The following CSMD1 variants were observed in gnomAD, a reference collection of about 807,000 sequenced individuals.
CSMD1 encodes CUB and Sushi multiple domains 1.
A neutral mutation model predicts 417.5 loss-of-function variants in CSMD1; 213 were observed. That is an observed-to-expected ratio of 0.51 (90% CI 0.46 to 0.57). The LOEUF is 0.57. CSMD1 is among the 20% of genes least tolerant of loss of function. The pLI is 0.00. For synonymous variants in CSMD1, 2,862 were observed against 1,736.8 expected, an observed-to-expected ratio of 1.65 and a Z score of -16.11; for missense variants, 6,923 against 4,529.7, an observed-to-expected ratio of 1.53 and a Z score of -15.17.
At chr8:3,767,838 G>T (rs1157253385) in intron 5 of CSMD1, among the ~76,000 whole-genome samples, 1 of 152,148 alleles carries the variant, frequency 6.6e-6, no homozygotes, top group Non-Finnish European at 1.5e-5. Context: ...GGGTGGAAAT[G>T]CCCAGTGGGT....
At chr8:4,115,134 G>A (rs1023399384) in intron 3 of CSMD1, among the ~76,000 whole-genome samples, 3 of 152,154 alleles carry the variant, frequency 2.0e-5, no homozygotes, top group Non-Finnish European at 4.4e-5. Flanking sequence ...GTCCATAGAT[G>A]AGGCAAAATA....
chr8:4,972,997 G>T (rs1327983485), intron 1 of CSMD1, among the ~76,000 whole-genome samples: 4 of 152,168 alleles, frequency 2.6e-5, no homozygotes, highest in East Asian at 1.9e-4. Flanking sequence ...TGTGTGATTT[G>T]ATCCCATCGT....
intron 1 of CSMD1, among the ~76,000 whole-genome samples, chr8:4,714,706 G>A (rs537406472): frequency 2.6e-5 from 4 of 151,966 alleles, no homozygotes; most frequent in East Asian, 1.9e-4. Context: ...AAATTTACTC[G>A]AGAATACAAA....
At chr8:4,155,041 G>C (rs1173217555) in intron 3 of CSMD1, among the ~76,000 whole-genome samples, 1 of 152,174 alleles carries the variant, frequency 6.6e-6, no homozygotes, top group Non-Finnish European at 1.5e-5. Flanking sequence ...ACCTAACACT[G>C]CTGCAGAATT....
intron 1 of CSMD1, among the ~76,000 whole-genome samples, chr8:4,778,353 G>C (rs942682839): frequency 5.9e-5 from 9 of 152,008 alleles, no homozygotes; most frequent in Non-Finnish European, 1.0e-4. Context: ...CCATTGTTTT[G>C]ATGATTTTTC....
chr8:3,789,702 T>C (rs1185101268), intron 5 of CSMD1, among the ~76,000 whole-genome samples: 1 of 151,056 alleles, frequency 6.6e-6, no homozygotes, highest in Non-Finnish European at 1.5e-5. Flanking sequence ...GTATTTATCA[T>C]AGATGTTAAA....
At chr8:4,800,280 A>C (rs1297177107) in intron 1 of CSMD1, among the ~76,000 whole-genome samples, 1 of 152,030 alleles carries the variant, frequency 6.6e-6, no homozygotes, top group African/African-American at 2.4e-5. Context: ...AAATACAAAA[A>C]ATTAGCTGGG....
Position 3,625,652 on chromosome 8 carries a change from T to TA in CSMD1, c.1010-8856dup, listed in dbSNP as rs201938461. ...GTCCTAAAATATATAAATGATACACTAAAAAAAATAACTCTATTGTACATA... is the reference window on the plus strand; with the variant it reads ...GTCCTAAAATATATAAATGATACACTAAAAAAAAATAACTCTATTGTACATA... On this transcript the variant is annotated intron_variant, in intron 7 of 69. Coordinates refer to ENST00000635120, the MANE Select transcript of CSMD1 (RefSeq NM_033225.6). Among the ~76,000 whole-genome samples, 231 of 151,916 alleles carry TA rather than the reference T, an allele frequency of 1.5e-3. 1 individual carries two copies. Among genetic ancestry groups the TA allele is most frequent in the South Asian group, 0.011 (51 of 4,816 alleles).
intron 5 of CSMD1, among the ~76,000 whole-genome samples, chr8:3,984,703 TCA>T (rs1814173051): frequency 1.5e-5 from 1 of 65,500 alleles, no homozygotes; most frequent in Non-Finnish European, 3.1e-5. Flanking sequence ...AGTGTATATA[TCA>T]TATATATATA....
At chr8:3,380,989 A>G (rs1426893135) in intron 18 of CSMD1, among the ~76,000 whole-genome samples, 1 of 152,198 alleles carries the variant, frequency 6.6e-6, no homozygotes, top group Non-Finnish European at 1.5e-5. Flanking sequence ...ATGCACAGGT[A>G]TGTGAGAAGG....
chr8:4,104,983 G>C (rs1160502711), intron 3 of CSMD1, among the ~76,000 whole-genome samples: 1 of 124,364 alleles, frequency 8.0e-6, no homozygotes, highest in Non-Finnish European at 1.8e-5. Flanking sequence ...TAATAGAACA[G>C]TTTCACATTA....
intron 5 of CSMD1, among the ~76,000 whole-genome samples, chr8:3,868,865 T>C (rs1805285394): frequency 6.6e-6 from 1 of 152,184 alleles, no homozygotes; most frequent in African/African-American, 2.4e-5. Context: ...GGCTGGACTG[T>C]TACCATCGTC....
At chr8:4,180,703 C>G (rs556311046) in intron 3 of CSMD1, among the ~76,000 whole-genome samples, 21 of 152,290 alleles carry the variant, frequency 1.4e-4, no homozygotes, top group Admixed American at 5.9e-4. Flanking sequence ...CACTGGTTGT[C>G]ATGGAACTCA....
At chr8:3,051,762 G>T (rs1330375274) in intron 50 of CSMD1, among the ~76,000 whole-genome samples, 1 of 152,088 alleles carries the variant, frequency 6.6e-6, no homozygotes, top group Non-Finnish European at 1.5e-5. Flanking sequence ...TTTCCAATTT[G>T]AGTCTAGTTT....
chr8:3,298,318 A>G (rs760833011), intron 25 of CSMD1, among the ~76,000 whole-genome samples: 9 of 152,240 alleles, frequency 5.9e-5, no homozygotes, highest in Non-Finnish European at 8.8e-5. Flanking sequence ...ATTAACTCCA[A>G]ACTGCATCAG....
At chr8:4,692,782 C>G (rs543273822) in intron 1 of CSMD1, among the ~76,000 whole-genome samples, 1 of 152,142 alleles carries the variant, frequency 6.6e-6, no homozygotes, top group African/African-American at 2.4e-5. Flanking sequence ...GTTTCTTATA[C>G]GGGCCCTCCC....
intron 3 of CSMD1, among the ~76,000 whole-genome samples, chr8:4,297,827 T>C (rs1284305743): frequency 3.3e-5 from 5 of 152,230 alleles, no homozygotes; most frequent in Non-Finnish European, 7.3e-5. Flanking sequence ...ATTTGATTTC[T>C]GAATATGCCA....
At chr8:4,718,571 A>T (rs1808840698) in intron 1 of CSMD1, among the ~76,000 whole-genome samples, 1 of 152,096 alleles carries the variant, frequency 6.6e-6, no homozygotes, top group South Asian at 2.1e-4. Context: ...AAAAATTTAT[A>T]AAACATGAAA....
chr8:4,869,419 C>G (rs1802606503), intron 1 of CSMD1, among the ~76,000 whole-genome samples: 1 of 151,948 alleles, frequency 6.6e-6, no homozygotes, highest in Non-Finnish European at 1.5e-5. Context: ...CTTTCACTTA[C>G]CAAATATTTG....
Sources: gnomAD v4.1 joint callset for allele counts (sites outside exome capture counted in the v4.1 genomes callset) on GRCh38, gnomAD v4.1.1 for gene constraint, MANE v1.5 for transcripts, NCBI Gene and HGNC (gene_info 2026-07-23, HGNC 2026-07-21) for gene names.